Variants in TMEM108 observed in about 807,000 individuals in gnomAD.
The protein encoded by TMEM108 is cancer/testis antigen 124.
Under a neutral mutation model 35.1 loss-of-function variants are expected in TMEM108, and 12 were observed. The ratio of observed to expected loss-of-function variants is 0.34; its 90% CI spans 0.22 to 0.55. The LOEUF (loss-of-function observed/expected upper bound fraction) is 0.55, where lower values mean the gene tolerates loss of function less well. TMEM108 is among the 20% of genes least tolerant of loss of function. The pLI is 0.89. For synonymous variants in TMEM108, 287 were observed against 308.6 expected (o/e 0.93, Z 0.73); for missense variants, 680 against 753.3 (o/e 0.90, Z 1.14).
chr3:133,376,586 G>A (rs538175409), intron 3 of TMEM108, among the ~76,000 whole-genome samples: 57 of 152,326 alleles, frequency 3.7e-4, no homozygotes, highest in Admixed American at 1.2e-3. Flanking sequence ...CCCAGGAGCA[G>A]CCCTTGATCA....
At chr3:133,240,447 T>C (rs975365955) in intron 3 of TMEM108, among the ~76,000 whole-genome samples, 1 of 152,170 alleles carries the variant, frequency 6.6e-6, no homozygotes, top group African/African-American at 2.4e-5. Flanking sequence ...CAATGGGGAC[T>C]AAGAAAAAAT....
At chr3:133,043,590 C>T (rs780483068) in intron 1 of TMEM108, among the ~76,000 whole-genome samples, 1 of 152,020 alleles carries the variant, frequency 6.6e-6, no homozygotes, top group African/African-American at 2.4e-5. Flanking sequence ...GCTTTATTGG[C>T]GATGACATGC....
At position 133,233,318 on chromosome 3, in the gene TMEM108, C is replaced by T. The variant is rs1946183994; in HGVS notation, c.40+3967C>T. ...GGTTTTTTGTTCTTGCAATAGTTTA[C>T]TGAGAATGATGATTTCCAATTTCAT... On this transcript the variant is annotated intron_variant, in intron 3 of 5. Coordinates refer to ENST00000321871, the MANE Select transcript of TMEM108 (RefSeq NM_023943.4). Among the ~76,000 whole-genome samples the T allele has an allele frequency of 3.3e-5, 5 of 152,104 alleles. No individual in the cohort carries two copies. In the South Asian group the frequency reaches 1.0e-3, roughly 32 times the overall value.
intron 2 of TMEM108, among the ~76,000 whole-genome samples, chr3:133,134,200 A>G (rs1944532558): frequency 1.3e-5 from 2 of 152,030 alleles, no homozygotes; most frequent in South Asian, 4.1e-4. Flanking sequence ...TTGTAAGGGA[A>G]TGTTGGTATA....
chr3:133,116,328 A>G (rs114398231), intron 2 of TMEM108, among the ~76,000 whole-genome samples: 1,757 of 152,180 alleles, frequency 0.012, 44 homozygotes, highest in African/African-American at 0.041. Flanking sequence ...CACTTTGCAA[A>G]CTGATGTCTT....
At chr3:133,356,120 CAG>C (rs1252209219) in intron 3 of TMEM108, among the ~76,000 whole-genome samples, 1 of 151,906 alleles carries the variant, frequency 6.6e-6, no homozygotes, top group East Asian at 1.9e-4. Context: ...ACAAATTCAG[CAG>C]AGTCTCAAGT....
chr3:133,128,495 G>GAAAGAGGATCTTTATTGCCTGTAAAAT (rs961407002), intron 2 of TMEM108, among the ~76,000 whole-genome samples: 5 of 152,130 alleles, frequency 3.3e-5, no homozygotes, highest in Non-Finnish European at 5.9e-5. Context: ...AGGCTTCGTG[G>GAAAGAGGATCTTTATTGCCTGTAAAAT]AAAGAGGATC....
At chr3:133,339,997 G>A (rs7427861) in intron 3 of TMEM108, among the ~76,000 whole-genome samples, 17,805 of 151,242 alleles carry the variant, frequency 0.12, 1,451 homozygotes, top group East Asian at 0.38. Context: ...TATCAAAAAA[G>A]AAGAAAAATG....
At chr3:133,042,127 A>G (rs966625698) in intron 1 of TMEM108, among the ~76,000 whole-genome samples, 1 of 152,138 alleles carries the variant, frequency 6.6e-6, no homozygotes, top group African/African-American at 2.4e-5. Context: ...TGAAATAACT[A>G]TTCTTTGTTC....
intron 2 of TMEM108, among the ~76,000 whole-genome samples, chr3:133,096,606 C>G (rs1422805797): frequency 1.3e-5 from 2 of 152,194 alleles, no homozygotes; most frequent in Non-Finnish European, 2.9e-5. Flanking sequence ...CCTCTGCCTC[C>G]CCTACCACCA....
chr3:133,381,019 C>G lies in TMEM108; in HGVS notation c.1308C>G (p.Ala436=). The part of the protein sequence containing the change: ...TGNFLNRLVP[A]GTWKPGTAGN... ...ATTTCCTCAACCGCCTGGTCCCCGC[C>G]GGGACCTGGAAGCCTGGGACAGCAG... is the stretch of plus-strand genomic sequence containing the variant. The change falls in exon 4 of 6, where the codon GCC becomes GCG. Residue 436 remains alanine, a synonymous_variant. Transcript: ENST00000321871. 1 of 1,614,218 alleles carries G rather than the reference C, an allele frequency of 6.2e-7. No individual in the cohort carries two copies. The highest frequency in any genetic ancestry group is 8.5e-7 in the Non-Finnish European group (1 of 1,180,034).
intron 3 of TMEM108, among the ~76,000 whole-genome samples, chr3:133,271,385 A>G (rs985793077): frequency 4.6e-5 from 7 of 152,198 alleles, no homozygotes; most frequent in Non-Finnish European, 7.3e-5. Flanking sequence ...TTTCAATACT[A>G]TGTTCAAAAC....
intron 2 of TMEM108, among the ~76,000 whole-genome samples, chr3:133,054,754 A>G (rs1351702410): frequency 3.3e-5 from 5 of 152,186 alleles, no homozygotes; most frequent in African/African-American, 7.2e-5. Flanking sequence ...TCCTGGCTCT[A>G]TTTGGACCTG....
chr3:133,171,824 A>G (rs1022870449), intron 2 of TMEM108, among the ~76,000 whole-genome samples: 1 of 152,198 alleles, frequency 6.6e-6, no homozygotes, highest in Non-Finnish European at 1.5e-5. Context: ...TAACTCTTAA[A>G]TGAGCCAAGC....
chr3:133,232,202 A>G (rs6768513), intron 3 of TMEM108, among the ~76,000 whole-genome samples: 147,001 of 152,232 alleles, frequency 0.97, 71,159 homozygotes, highest in East Asian at 1. Context: ...TTTTGGAGGT[A>G]GGGCTAAATG....
chr3:133,226,615 C>G lies in TMEM108; in HGVS notation c.-46-2651C>G, dbSNP rs143771896. Reference sequence around the variant, plus strand: ...ATAAGGCATGTCTGGCCCCCACTTCCCATCATGGCCTGAGCTAGTTTTTCA... The same window carrying G: ...ATAAGGCATGTCTGGCCCCCACTTCGCATCATGGCCTGAGCTAGTTTTTCA... On this transcript the variant is annotated intron_variant, in intron 2 of 5. Coordinates refer to ENST00000321871, the MANE Select transcript of TMEM108 (RefSeq NM_023943.4). 3.3e-5 allele frequency among the ~76,000 whole-genome samples: 5 copies of G among 152,222 alleles called. No homozygotes were observed. The East Asian group carries it at 7.7e-4, about 24-fold the overall frequency.
intron 3 of TMEM108, among the ~76,000 whole-genome samples, chr3:133,344,146 A>G (rs2071745593): frequency 6.6e-6 from 1 of 151,886 alleles, no homozygotes; most frequent in Admixed American, 6.6e-5. Context: ...TACTGGACCA[A>G]AAAATTAAAA....
intron 3 of TMEM108, among the ~76,000 whole-genome samples, chr3:133,322,431 G>C (rs2071278039): frequency 1.3e-5 from 2 of 152,104 alleles, no homozygotes; most frequent in African/African-American, 2.4e-5. Flanking sequence ...AGAGGAGGTG[G>C]ATAAATTCCT....
intron 2 of TMEM108, among the ~76,000 whole-genome samples, chr3:133,199,219 G>A (rs969414013): frequency 2.0e-5 from 3 of 152,136 alleles, no homozygotes; most frequent in Admixed American, 1.3e-4. Context: ...TAGCTTCTTT[G>A]CAATGGGTTC....
Sources: allele counts gnomAD v4.1 joint callset (sites outside exome capture counted in the v4.1 genomes callset), GRCh38; gene constraint gnomAD v4.1.1; transcripts MANE v1.5; gene names NCBI Gene and HGNC (gene_info 2026-07-23, HGNC 2026-07-21).